Variants in ANO7 observed in about 807,000 individuals in gnomAD.
ANO7 encodes anoctamin 7, also known as anoctamin-7.
Under a neutral mutation model 115.8 loss-of-function variants are expected in ANO7, and 114 were observed. The observed-to-expected ratio is 0.98, with a 90% CI of 0.85 to 1.15. ANO7 has a LOEUF of 1.15. Ranked by LOEUF, ANO7 falls within the 50% of genes most tolerant of loss-of-function variation. The probability of loss-of-function intolerance (pLI) is 0.00; values close to 1 mark genes in which losing one functional copy is unlikely to be tolerated. For missense variants in ANO7, 1,302 were observed against 1,201.2 expected, an observed-to-expected ratio of 1.08 and a Z score of -1.24; for synonymous variants, 550 against 498.2, an observed-to-expected ratio of 1.10 and a Z score of -1.38.
At chr2:241,237,231 G>A in the ANO7 span, among the ~76,000 whole-genome samples, 1 of 152,174 alleles carries the variant, frequency 6.6e-6, no homozygotes, top group East Asian at 1.9e-4. Flanking sequence ...GAAGGGGGGT[G>A]AGAGGTCTAG....
intron 10 of ANO7, 84 bp from the exon 11 acceptor site, chr2:241,207,490 G>C (rs1453269196): frequency 1.1e-5 from 12 of 1,055,806 alleles, no homozygotes; most frequent in Non-Finnish European, 1.6e-5. Context: ...AAGGGAGAGA[G>C]AGGACAAGGG....
chr2:241,224,249 G>A lies in ANO7; in HGVS notation c.*96G>A. 7.2e-7 allele frequency: 1 copy of A among 1,383,410 alleles called. No individual in the cohort carries two copies. Among genetic ancestry groups the A allele is most frequent in the Non-Finnish European group, 1.0e-6 (1 of 994,856 alleles). The allele number at this position is 1,383,410 out of a possible 1,614,324, so 85.7% of individuals were successfully genotyped here. A position where few individuals can be genotyped will look rare whatever the true frequency, so the allele number is the denominator to read the frequency against. On this transcript the variant is annotated 3_prime_UTR_variant, in exon 25 of 25. Coordinates refer to ENST00000674324, the MANE Select transcript of ANO7 (RefSeq NM_001370694.2). Reference sequence around the variant, plus strand: ...CTCTTCCCTCAGGCAGCGGCTGTGTGAACCGCTGGCTGCTGTTGTGCCTCA... The same window carrying A: ...CTCTTCCCTCAGGCAGCGGCTGTGTAAACCGCTGGCTGCTGTTGTGCCTCA...
rs200582269 is a variant in ANO7 at position 241,207,558 on chromosome 2, G to A, written c.981-16G>A. Reference sequence around the variant, plus strand: ...CTCCCCCATTAGCTCCCACCCCTCCGCTCCATGCCTTGCAGGCAGGAACTG... The same window carrying A: ...CTCCCCCATTAGCTCCCACCCCTCCACTCCATGCCTTGCAGGCAGGAACTG... On this transcript the variant is annotated splice_polypyrimidine_tract_variant and intron_variant, in intron 10 of 24. Transcript: ENST00000674324. The A allele has an allele frequency of 2.3e-5, 37 of 1,610,082 alleles. No homozygotes were observed. The highest frequency in any genetic ancestry group is 8.3e-5 in the Admixed American group (5 of 59,990).
Position 241,223,252 on chromosome 2 carries a change from C to T in ANO7, c.2388C>T (p.Arg796=). 1 of 1,614,250 alleles carries T rather than the reference C, an allele frequency of 6.2e-7. No homozygotes were observed. Among genetic ancestry groups the T allele is most frequent in the African/African-American group, 1.3e-5 (1 of 75,060 alleles). Residue 796 remains arginine (R), a synonymous_variant, in exon 22 of 25, where the codon CGC becomes CGT. Coordinates refer to ENST00000674324, the MANE Select transcript of ANO7 (RefSeq NM_001370694.2). ...SQTYWNLLAI[R]LAFVIVFEHV... ...CCTACTGGAATCTTCTTGCCATCCG[C>T]CTGGCCTTCGTCATTGTGTTTGAGG...
chr2:241,223,692 G>A lies in ANO7; in HGVS notation c.2443G>A (p.Asp815Asn). The change falls in exon 23 of 25, where the codon GAC becomes AAC. Residue 815 changes from aspartate (D) to asparagine (N), a missense_variant. Coordinates refer to ENST00000674324, the MANE Select transcript of ANO7 (RefSeq NM_001370694.2). ...HVVFSVGRLL[D>N]LLVPDIPESV... ...GGTTTTCTCCGTTGGCCGCCTCCTG[G>A]ACCTCCTGGTGCCTGACATCCCAGA... is the stretch of plus-strand genomic sequence containing the variant. 6.2e-7 allele frequency: 1 copy of A among 1,613,874 alleles called. No individual in the cohort carries two copies. The highest frequency in any genetic ancestry group is 1.1e-5 in the South Asian group (1 of 91,032).
chr2:241,215,016 C>A, intron 18 of ANO7, 114 bp downstream of exon 18: 3 of 999,864 alleles, frequency 3.0e-6, no homozygotes, highest in Non-Finnish European at 4.3e-6. Flanking sequence ...AGGGAAGGCA[C>A]CTTGCCTGGG....
chr2:241,197,420 C>G (rs2068369357), intron 4 of ANO7, among the ~76,000 whole-genome samples: 1 of 152,038 alleles, frequency 6.6e-6, no homozygotes, highest in African/African-American at 2.4e-5. Flanking sequence ...GGGTCTTGTT[C>G]TGTTGCCCTG....
At chr2:241,218,544 G>T (rs2068927839) in intron 21 of ANO7, among the ~76,000 whole-genome samples, 163 bp downstream of exon 21, 1 of 152,090 alleles carries the variant, frequency 6.6e-6, no homozygotes, top group South Asian at 2.1e-4. Context: ...CAGGGGCTGG[G>T]GGGAGGTTCC....
chr2:241,193,041 G>GT (rs1230537971), intron 3 of ANO7, among the ~76,000 whole-genome samples: 1 of 152,092 alleles, frequency 6.6e-6, no homozygotes, highest in African/African-American at 2.4e-5. Context: ...GGTTAAGATG[G>GT]TTTTTTGTTT....
chr2:241,216,319 C>A lies in ANO7; in HGVS notation c.1972+81C>A, dbSNP rs2068827984. ...GCCACTCTGCTCAAGGGCCTCCCAG[C>A]CTGACATTCCTGTGTCTGCATCTGC... On this transcript the variant is annotated intron_variant, in intron 19 of 24. Transcript: ENST00000674324. 6.9e-6 allele frequency: 10 copies of A among 1,443,494 alleles called. No individual in the cohort carries two copies. The South Asian group carries it at 1.4e-4, about 21-fold the overall frequency. 89.4% of individuals were successfully genotyped at this position (1,443,494 alleles called of 1,614,324 possible).
rs2069108457 is a variant in ANO7, at chr2:241,224,417, G to T, written c.*264G>T. 1 of 506,286 alleles carries T rather than the reference G, an allele frequency of 2.0e-6. No individual in the cohort carries two copies. The highest frequency in any genetic ancestry group is 3.6e-6 in the Non-Finnish European group (1 of 278,902). 31.4% of individuals were successfully genotyped at this position (506,286 alleles called of 1,614,324 possible). On this transcript the variant is annotated 3_prime_UTR_variant, in exon 25 of 25. Transcript: ENST00000674324. Reference sequence around the variant, plus strand: ...CCAGACATAAGCCCAAGGGGCCCCTGCACCCAAGGGACCCTGTCCCTCGGT... The same window carrying T: ...CCAGACATAAGCCCAAGGGGCCCCTTCACCCAAGGGACCCTGTCCCTCGGT...
At position 241,196,219 on chromosome 2, in the gene ANO7, G is replaced by C. The variant is rs1307074374; in HGVS notation, c.309+374G>C. ...GCTTATAGAATTAACAGCTTAAAAA[G>C]TCCTTTCACATGTTTGCTTTCGGTG... On this transcript the variant is annotated intron_variant, in intron 4 of 24. Transcript: ENST00000674324. 3 of 1,077,278 alleles carry C rather than the reference G, an allele frequency of 2.8e-6. No individual in the cohort carries two copies. In the African/African-American group the frequency reaches 4.9e-5, roughly 18 times the overall value. The allele number at this position is 1,077,278 out of a possible 1,614,324, so 66.7% of individuals were successfully genotyped here. A position where few individuals can be genotyped will look rare whatever the true frequency, so the allele number is the denominator to read the frequency against.
At chr2:241,236,897 G>C in the ANO7 span, 7 of 861,782 alleles carry the variant, frequency 8.1e-6, no homozygotes, top group Middle Eastern at 2.6e-4. Flanking sequence ...AACCACTCCT[G>C]TCCTTCAGGA....
chr2:241,218,419 C>G (rs2068922601), intron 21 of ANO7, 38 bp downstream of exon 21: 8 of 1,260,298 alleles, frequency 6.3e-6, no homozygotes, highest in Admixed American at 3.7e-5. Flanking sequence ...CGCGGGCGCA[C>G]GAGGACGAGG....
intron 7 of ANO7, among the ~76,000 whole-genome samples, chr2:241,201,960 A>T (rs1271932727): frequency 6.6e-6 from 1 of 152,228 alleles, no homozygotes; most frequent in Non-Finnish European, 1.5e-5. Context: ...GGCTCTGGTC[A>T]AGGACTCTGA....
intron 9 of ANO7, 59 bp from the exon 10 acceptor site, chr2:241,204,806 C>G (rs578065302): frequency 1.9e-4 from 267 of 1,441,744 alleles, no homozygotes; most frequent in Middle Eastern, 5.3e-4. Flanking sequence ...GTGCAGACCC[C>G]TACCTGGGGC....
intron 19 of ANO7, among the ~76,000 whole-genome samples, chr2:241,216,984 C>T (rs867463962): frequency 2.0e-5 from 3 of 152,160 alleles, no homozygotes; most frequent in Admixed American, 6.5e-5. Flanking sequence ...CAGGCGCCCA[C>T]CACCACGCCC....
chr2:241,201,697 G>C (rs78750458), intron 7 of ANO7, among the ~76,000 whole-genome samples: 1 of 152,240 alleles, frequency 6.6e-6, no homozygotes. Flanking sequence ...GTCGGAGGAA[G>C]GGTGGCCCCA....
At chr2:241,224,075 C>G in intron 24 of ANO7, 22 bp from the exon 25 acceptor site, 1 of 1,614,018 alleles carries the variant, frequency 6.2e-7, no homozygotes, top group Non-Finnish European at 8.5e-7. Context: ...TGACTTGTCC[C>G]TGCCCCCAAC....
Sources: gnomAD v4.1 joint callset for allele counts (sites outside exome capture counted in the v4.1 genomes callset) on GRCh38, gnomAD v4.1.1 for gene constraint, MANE v1.5 for transcripts, NCBI Gene and HGNC (gene_info 2026-07-23, HGNC 2026-07-21) for gene names.